The following PITPNM2 variants were observed in gnomAD, a reference collection of about 807,000 sequenced individuals.
The protein encoded by PITPNM2 is membrane-associated phosphatidylinositol transfer protein 2.
Under a neutral mutation model 132.2 loss-of-function variants are expected in PITPNM2, and 35 were observed. The ratio of observed to expected loss-of-function variants is 0.26; its 90% CI spans 0.20 to 0.35. The LOEUF is 0.35. Ranked by LOEUF, PITPNM2 falls within the 10% of genes least tolerant of loss-of-function variation. The pLI is 1.00. For missense variants in PITPNM2, 1,332 were observed against 1,912.0 expected (o/e 0.70, Z 5.66); for synonymous variants, 738 against 799.2 (o/e 0.92, Z 1.29).
At chr12:123,035,677 A>C (rs1023782224) in intron 2 of PITPNM2, among the ~76,000 whole-genome samples, 7 of 151,718 alleles carry the variant, frequency 4.6e-5, no homozygotes, top group Non-Finnish European at 8.8e-5. Context: ...AAAAAAAAAA[A>C]CAAAAACTTG....
intron 1 of PITPNM2, among the ~76,000 whole-genome samples, chr12:123,146,230 A>G (rs2043615514): frequency 6.6e-6 from 1 of 152,128 alleles, no homozygotes; most frequent in African/African-American, 2.4e-5. Flanking sequence ...TGAGTGATGA[A>G]ATGATCTGTA....
chr12:122,991,847 G>A, intron 16 of PITPNM2: 2 of 1,306,510 alleles, frequency 1.5e-6, no homozygotes, highest in Non-Finnish European at 1.9e-6. Flanking sequence ...GGGGAGAGGG[G>A]CCAGGGGGCC....
intron 1 of PITPNM2, among the ~76,000 whole-genome samples, chr12:123,132,489 G>A (rs1268079229): frequency 6.7e-6 from 1 of 149,970 alleles, no homozygotes; most frequent in Non-Finnish European, 1.5e-5. Context: ...TGAAATTTTT[G>A]TTTGTTGTCA....
chr12:123,059,933 C>T (rs1351698935), intron 2 of PITPNM2, among the ~76,000 whole-genome samples: 1 of 151,998 alleles, frequency 6.6e-6, no homozygotes, highest in Non-Finnish European at 1.5e-5. Context: ...TATATGCCAC[C>T]GAATTGTGCA....
At position 122,986,728 on chromosome 12, in the gene PITPNM2, T is replaced by C. The variant is rs1403240173; in HGVS notation, c.3515A>G (p.His1172Arg). ...VAWLAQHNFP[H>R]GVVSFCDGLV... The stretch of plus-strand genomic sequence containing the variant: ...GCCGTCACAGAAGGACACCACGCCA[T>C]GGGGGAAGTTGTGCTGGGCCAGCCA... The change falls in exon 24 of 26, where the codon CAT (histidine) becomes CGT (arginine). Residue 1172 changes from histidine to arginine, a missense_variant. His to Arg is a conservative substitution (Grantham distance 29, BLOSUM62 0). Around this residue, in one of 6 missense-constraint regions of PITPNM2, gnomAD observed 251 missense variants for 472.0 expected, o/e 0.53. Transcript: ENST00000320201. 1 of 1,613,402 alleles carries C rather than the reference T, an allele frequency of 6.2e-7. No individual in the cohort carries two copies. Among genetic ancestry groups the C allele is most frequent in the Non-Finnish European group, 8.5e-7 (1 of 1,179,966 alleles).
chr12:123,107,491 G>C (rs895222709), intron 2 of PITPNM2, among the ~76,000 whole-genome samples: 9 of 152,190 alleles, frequency 5.9e-5, no homozygotes, highest in African/African-American at 2.2e-4. Context: ...GGAAGGAAGG[G>C]CTCTGGATTC....
intron 2 of PITPNM2, among the ~76,000 whole-genome samples, chr12:123,105,815 C>G (rs1303185252): frequency 6.6e-6 from 1 of 152,018 alleles, no homozygotes; most frequent in Admixed American, 6.5e-5. Flanking sequence ...AAGGCAGAAA[C>G]GAGAGGAAGA....
intron 3 of PITPNM2, among the ~76,000 whole-genome samples, chr12:123,018,604 T>C (rs1334227055): frequency 6.6e-6 from 1 of 151,512 alleles, no homozygotes; most frequent in Admixed American, 6.6e-5. Context: ...CCAGACATGC[T>C]CAACTAATTA....
intron 1 of PITPNM2, among the ~76,000 whole-genome samples, chr12:123,142,811 T>C (rs1454406100): frequency 6.6e-6 from 1 of 152,162 alleles, no homozygotes; most frequent in Non-Finnish European, 1.5e-5. Context: ...TTTAAATGCT[T>C]TTTTCCAGTG....
rs1267843230 is a variant in PITPNM2 at position 122,987,817 on chromosome 12, G to T, written c.3082C>A (p.Pro1028Thr). The change falls in exon 21 of 26, where the codon CCC (proline) becomes ACC (threonine). Residue 1028 changes from proline to threonine, a missense_variant. Physicochemically the swap from Pro to Thr is conservative, Grantham distance 38. Around this residue, in one of 6 missense-constraint regions of PITPNM2, gnomAD observed 251 missense variants for 472.0 expected, o/e 0.53. Transcript: ENST00000320201. ...QVLTGRFMYG[P>T]LDMVTLTGEK... ...CCAGTCAGGGTGACCATGTCCAGGG[G>T]CCCATACATGAACCTGCCCGTCAGA... is the stretch of plus-strand genomic sequence containing the variant. The T allele has an allele frequency of 6.2e-7, 1 of 1,614,038 alleles. No individual in the cohort carries two copies. Among genetic ancestry groups the T allele is most frequent in the East Asian group, 2.2e-5 (1 of 44,880 alleles).
At chr12:123,121,080 T>C (rs952163365) in intron 1 of PITPNM2, among the ~76,000 whole-genome samples, 4 of 152,352 alleles carry the variant, frequency 2.6e-5, no homozygotes, top group Middle Eastern at 3.4e-3. Context: ...TCTGGGGAGC[T>C]GACTCTGGCT....
At chr12:123,068,491 AAATAAAT>A (rs2041516818) in intron 2 of PITPNM2, among the ~76,000 whole-genome samples, 2 of 99,012 alleles carry the variant, frequency 2.0e-5, no homozygotes, top group South Asian at 3.1e-4. Context: ...ATAAATAAAT[AAATAAAT>A]AAAAATAATC....
chr12:123,075,268 C>T (rs893235578), intron 2 of PITPNM2, among the ~76,000 whole-genome samples: 1 of 152,228 alleles, frequency 6.6e-6, no homozygotes, highest in Non-Finnish European at 1.5e-5. Context: ...TTCTCTCTTC[C>T]TGCAGTTTAA....
At chr12:123,063,715 G>A (rs2041322815) in intron 2 of PITPNM2, among the ~76,000 whole-genome samples, 1 of 152,076 alleles carries the variant, frequency 6.6e-6, no homozygotes, top group African/African-American at 2.4e-5. Flanking sequence ...CCTAGAGCAG[G>A]GACCCCTGGA....
At chr12:123,012,511 G>T in intron 5 of PITPNM2, 102 bp downstream of exon 5, 1 of 1,459,092 alleles carries the variant, frequency 6.9e-7, no homozygotes, top group Non-Finnish European at 9.4e-7. Context: ...ACAGGGCCAG[G>T]TCTGGAGTCT....
chr12:123,123,136 C>A (rs1481648323), intron 1 of PITPNM2, among the ~76,000 whole-genome samples: 4 of 152,182 alleles, frequency 2.6e-5, no homozygotes, highest in Admixed American at 2.6e-4. Flanking sequence ...TCTAAAACCC[C>A]ATCAACAGGG....
chr12:123,149,182 G>C (rs1023056851), intron 1 of PITPNM2, among the ~76,000 whole-genome samples: 5 of 152,138 alleles, frequency 3.3e-5, no homozygotes, highest in African/African-American at 1.2e-4. Context: ...CCAGTCTCTC[G>C]ACTCCCGCAG....
In PITPNM2 at chr12:123,005,024, C is replaced by T. The variant is rs530807845; in HGVS notation, c.952+216G>A. 2.4e-4 allele frequency among the ~76,000 whole-genome samples: 37 copies of T among 152,242 alleles called. No homozygotes were observed. Among genetic ancestry groups the T allele is most frequent in the Admixed American group, 1.2e-3 (19 of 15,310 alleles). ...CTGCTCCTATGGGTAGCACTGTCTTCCCTGGGCATGGAGGGGAAGTGTTGG... is the reference window on the plus strand; with the variant it reads ...CTGCTCCTATGGGTAGCACTGTCTTTCCTGGGCATGGAGGGGAAGTGTTGG... On this transcript the variant is annotated intron_variant, in intron 7 of 25. Coordinates refer to ENST00000320201, the MANE Select transcript of PITPNM2 (RefSeq NM_020845.3). The surrounding 1 kb of genome is among the most constrained non-coding windows in gnomAD (Gnocchi z 6.2).
rs1339688703 is a variant in PITPNM2 at position 123,077,438 on chromosome 12, C to A, written c.-96+32947G>T. On this transcript the variant is annotated intron_variant, in intron 2 of 25. Coordinates refer to ENST00000320201, the MANE Select transcript of PITPNM2 (RefSeq NM_020845.3). This position sits in a 1 kb window ranked among gnomAD's most constrained non-coding sequence, Gnocchi z 4.8. ...GCCCCATCTAGGGCGCACGTGCATGCCTCTGAATTTCCTCCCCTTTCCTTG... is the reference window on the plus strand; with the variant it reads ...GCCCCATCTAGGGCGCACGTGCATGACTCTGAATTTCCTCCCCTTTCCTTG... 1.2e-4 allele frequency among the ~76,000 whole-genome samples: 19 copies of A among 152,222 alleles called. No homozygotes were observed. The highest frequency in any genetic ancestry group is 1.5e-5 in the Non-Finnish European group (1 of 68,042).
Sources: allele counts gnomAD v4.1 joint callset (sites outside exome capture counted in the v4.1 genomes callset), GRCh38; gene constraint gnomAD v4.1.1; regional missense constraint gnomAD v4.1.1; non-coding constraint Gnocchi (gnomAD v3.1); transcripts MANE v1.5; gene names NCBI Gene and HGNC (gene_info 2026-07-23, HGNC 2026-07-21).